Variants in SPIDR observed in about 807,000 individuals in gnomAD.
SPIDR encodes the protein DNA repair-scaffolding protein.
In SPIDR, 93 loss-of-function variants were observed where a neutral mutation model predicts 104.6. The ratio of observed to expected loss-of-function variants is 0.89; its 90% confidence interval spans 0.75 to 1.06. The LOEUF (loss-of-function observed/expected upper bound fraction) is 1.06, where lower values mean the gene tolerates loss of function less well. SPIDR is among the 50% of genes least tolerant of loss of function. The pLI is 0.00. For synonymous variants in SPIDR, 431 were observed against 416.9 expected (o/e 1.03, Z -0.41); for missense variants, 1,154 against 1,111.2 (o/e 1.04, Z -0.55).
intron 16 of SPIDR, among the ~76,000 whole-genome samples, chr8:47,718,412 G>C (rs1225605709): frequency 6.6e-6 from 1 of 152,004 alleles, no homozygotes; most frequent in Non-Finnish European, 1.5e-5. Context: ...CAAATTGGTG[G>C]GATCAACGTT....
chr8:47,331,245 G>T (rs1295375029), intron 5 of SPIDR, among the ~76,000 whole-genome samples: 1 of 152,016 alleles, frequency 6.6e-6, no homozygotes, highest in African/African-American at 2.4e-5. Flanking sequence ...CTTTTTTAAA[G>T]CAGTCAGATG....
intron 5 of SPIDR, among the ~76,000 whole-genome samples, chr8:47,321,951 G>T (rs544668744): frequency 1.3e-5 from 2 of 151,988 alleles, no homozygotes; most frequent in Admixed American, 1.3e-4. Context: ...AATTCAAGAT[G>T]GATTAAAGAC....
chr8:47,644,471 C>T (rs2069884140), intron 10 of SPIDR, among the ~76,000 whole-genome samples: 1 of 152,140 alleles, frequency 6.6e-6, no homozygotes. Context: ...AGCACCTCCT[C>T]GTGTTGGGTT....
chr8:47,594,648 G>C (rs1426965971), intron 8 of SPIDR, among the ~76,000 whole-genome samples: 1 of 152,086 alleles, frequency 6.6e-6, no homozygotes, highest in Non-Finnish European at 1.5e-5. Flanking sequence ...ACATGTTACT[G>C]TTTCCGGGTT....
intron 8 of SPIDR, among the ~76,000 whole-genome samples, chr8:47,491,991 C>T (rs535285773): frequency 1.3e-5 from 2 of 152,316 alleles, no homozygotes; most frequent in East Asian, 3.9e-4. Flanking sequence ...ACAGGAGGAA[C>T]GAGGTGACGC....
chr8:47,605,678 T>C (rs1043106998), intron 10 of SPIDR, among the ~76,000 whole-genome samples: 1 of 152,156 alleles, frequency 6.6e-6, no homozygotes, highest in African/African-American at 2.4e-5. Flanking sequence ...GTCTGTGAAA[T>C]TGGTATTATA....
intron 6 of SPIDR, among the ~76,000 whole-genome samples, chr8:47,404,569 A>G (rs2062444697): frequency 6.6e-6 from 1 of 152,250 alleles, no homozygotes; most frequent in Non-Finnish European, 1.5e-5. Context: ...TCAAGGGAGG[A>G]CATTTATGCA....
intron 14 of SPIDR, among the ~76,000 whole-genome samples, chr8:47,710,604 G>A (rs1239720784): frequency 2.0e-5 from 3 of 151,896 alleles, no homozygotes; most frequent in Non-Finnish European, 4.4e-5. Flanking sequence ...GAGTAGCTGG[G>A]ATTACATCCA....
In SPIDR at chr8:47,535,710, C is replaced by T. The variant is rs1304597202; in HGVS notation, c.1098-60101C>T. Among the ~76,000 whole-genome samples, 2 of 152,098 alleles carry T rather than the reference C, an allele frequency of 1.3e-5. 1 individual carries two copies. The highest frequency in any genetic ancestry group is 2.9e-5 in the Non-Finnish European group (2 of 67,978). ...ATGTTAAAAAAAAATAGTCAGCAAA[C>T]TAGCAATAGAAGACACATCCTCAAC... On this transcript the variant is annotated intron_variant, in intron 8 of 19. Coordinates refer to ENST00000297423, the MANE Select transcript of SPIDR (RefSeq NM_001080394.4).
At chr8:47,718,077 G>T (rs1589485426) in intron 16 of SPIDR, among the ~76,000 whole-genome samples, 1 of 152,208 alleles carries the variant, frequency 6.6e-6, no homozygotes, top group South Asian at 2.1e-4. Context: ...AGAGGCTGGG[G>T]TTCCCTGTAT....
intron 8 of SPIDR, among the ~76,000 whole-genome samples, chr8:47,509,745 C>T (rs1586890819): frequency 1.3e-5 from 2 of 152,310 alleles, no homozygotes; most frequent in East Asian, 3.9e-4. Flanking sequence ...ATTAACTTTT[C>T]TGGGGCAGAA....
chr8:47,307,533 G>GTTTTTT (rs71225675), intron 5 of SPIDR, among the ~76,000 whole-genome samples: 14 of 72,114 alleles, frequency 1.9e-4, no homozygotes, highest in East Asian at 3.7e-4. Context: ...TTCTCATTTC[G>GTTTTTT]TTTTTTTTTT....
rs71548440 is a variant in SPIDR, at chr8:47,588,026, CATATATATAT to C, written c.1098-7733_1098-7724del. On this transcript the variant is annotated intron_variant, in intron 8 of 19. Coordinates refer to ENST00000297423, the MANE Select transcript of SPIDR (RefSeq NM_001080394.4). ...CTTTCCTTGCAACTTTTAAAATTAG[CATATATATAT>C]ATATATATATATATATATATATATA... Among the ~76,000 whole-genome samples, 107 of 23,360 alleles carry C rather than the reference CATATATATAT, an allele frequency of 4.6e-3. 1 individual carries two copies. The highest frequency in any genetic ancestry group is 7.2e-3 in the Admixed American group (8 of 1,114). 15.3% of individuals were successfully genotyped at this position (23,360 alleles called of 152,430 possible).
intron 16 of SPIDR, among the ~76,000 whole-genome samples, chr8:47,720,237 C>T (rs967535849): frequency 2.6e-5 from 4 of 152,170 alleles, no homozygotes; most frequent in Admixed American, 1.3e-4. Flanking sequence ...ATGGATGTAC[C>T]ACAGTTTTCT....
intron 5 of SPIDR, among the ~76,000 whole-genome samples, chr8:47,381,903 A>T (rs1409599547): frequency 6.6e-6 from 1 of 152,230 alleles, no homozygotes; most frequent in Non-Finnish European, 1.5e-5. Context: ...TAATGATATT[A>T]GTTTAGTTAC....
chr8:47,612,708 G>A (rs1395768504), intron 10 of SPIDR, among the ~76,000 whole-genome samples: 1 of 152,224 alleles, frequency 6.6e-6, no homozygotes, highest in Non-Finnish European at 1.5e-5. Context: ...ATACCTGTGA[G>A]CACTGTGACT....
Position 47,392,729 on chromosome 8 carries a change from G to C in SPIDR, c.526-3647G>C, listed in dbSNP as rs1458411133. 2.0e-5 allele frequency among the ~76,000 whole-genome samples: 3 copies of C among 152,194 alleles called. No individual in the cohort carries two copies. The East Asian group carries it at 5.8e-4, about 29-fold the overall frequency. On this transcript the variant is annotated intron_variant, in intron 5 of 19. Transcript: ENST00000297423. ...AACTTAAGCATCGTCGTACCAGGTT[G>C]TTCACAGCTGAGCACATGTACCTTT...
At chr8:47,588,026 CATAT>C (rs71548440) in intron 8 of SPIDR, among the ~76,000 whole-genome samples, 29 of 23,416 alleles carry the variant, frequency 1.2e-3, no homozygotes, top group African/African-American at 1.7e-3. Context: ...TTAAAATTAG[CATAT>C]ATATATATAT....
intron 8 of SPIDR, chr8:47,592,201 G>T: frequency 7.3e-7 from 1 of 1,363,524 alleles, no homozygotes; most frequent in Non-Finnish European, 1.0e-6. Context: ...CTATGGCTTG[G>T]GCTTTGTTGG....
Sources: gnomAD v4.1 joint callset for allele counts (sites outside exome capture counted in the v4.1 genomes callset) on GRCh38, gnomAD v4.1.1 for gene constraint, MANE v1.5 for transcripts, NCBI Gene and HGNC (gene_info 2026-07-23, HGNC 2026-07-21) for gene names.